OPCML: variants seen among roughly 807,000 people sequenced by gnomAD.
OPCML encodes opioid-binding protein/cell adhesion molecule.
Under a neutral mutation model 37.8 loss-of-function variants are expected in OPCML, and 13 were observed. The observed-to-expected ratio is 0.34, with a 90% CI of 0.22 to 0.55. The LOEUF (loss-of-function observed/expected upper bound fraction) is 0.55, where lower values mean the gene tolerates loss of function less well. Ranked by LOEUF, OPCML falls within the 20% of genes least tolerant of loss-of-function variation. The pLI is 0.91. For missense variants in OPCML, 341 were observed against 435.6 expected (o/e 0.78, Z 1.93); for synonymous variants, 176 against 168.8 (o/e 1.04, Z -0.33).
chr11:132,458,277 C>T (rs2096089236), intron 4 of OPCML, among the ~76,000 whole-genome samples: 1 of 152,176 alleles, frequency 6.6e-6, no homozygotes, highest in Non-Finnish European at 1.5e-5. Context: ...AACTAACATG[C>T]ATAGAAGATA....
chr11:132,568,041 TGCGC>T (rs146409077), intron 3 of OPCML, among the ~76,000 whole-genome samples: 4 of 150,396 alleles, frequency 2.7e-5, no homozygotes, highest in African/African-American at 4.9e-5. Context: ...TGTGTGTGTG[TGCGC>T]GCGCGCGCGT....
intron 1 of OPCML, among the ~76,000 whole-genome samples, chr11:133,240,523 T>G (rs143199773): frequency 6.6e-6 from 1 of 152,190 alleles, no homozygotes; most frequent in Non-Finnish European, 1.5e-5. Context: ...ATCCCCATCA[T>G]GGACCACAAC....
rs146650784 is a variant in OPCML at position 132,670,366 on chromosome 11, G to A, written c.147-13047C>T. On this transcript the variant is annotated intron_variant, in intron 2 of 7. Transcript: ENST00000524381. ...AAATACCTGCCTACATATAATGTACGGGATCACAGAATCCCACAGACGGGC... is the reference window on the plus strand; with the variant it reads ...AAATACCTGCCTACATATAATGTACAGGATCACAGAATCCCACAGACGGGC... Among the ~76,000 whole-genome samples, 408 of 152,152 alleles carry A rather than the reference G, an allele frequency of 2.7e-3. 2 individuals carry two copies. Among genetic ancestry groups the A allele is most frequent in the African/African-American group, 9.3e-3 (385 of 41,506 alleles).
intron 3 of OPCML, 40 bp from the exon 4 acceptor site, chr11:132,529,226 T>G (rs770107610): frequency 6.4e-7 from 1 of 1,560,210 alleles, no homozygotes; most frequent in Admixed American, 1.8e-5. Flanking sequence ...TGAGAATAAT[T>G]CTTTGCACTT....
chr11:132,966,504 C>T (rs1381895290), intron 1 of OPCML, among the ~76,000 whole-genome samples: 2 of 152,074 alleles, frequency 1.3e-5, no homozygotes, highest in African/African-American at 4.8e-5. Context: ...TCCATATGTA[C>T]TTGAAAATAA....
At chr11:133,228,513 C>T (rs1940137367) in intron 1 of OPCML, among the ~76,000 whole-genome samples, 1 of 152,222 alleles carries the variant, frequency 6.6e-6, no homozygotes, top group South Asian at 2.1e-4. Flanking sequence ...AGCACCTTCG[C>T]GGGCCAGCCA....
chr11:132,714,119 C>T (rs929807830), intron 2 of OPCML, among the ~76,000 whole-genome samples: 6 of 152,046 alleles, frequency 3.9e-5, no homozygotes, highest in Admixed American at 1.3e-4. Flanking sequence ...ATAATGTAGA[C>T]CCTATAAAAA....
chr11:132,726,905 G>A (rs780122793), intron 2 of OPCML, among the ~76,000 whole-genome samples: 1 of 152,078 alleles, frequency 6.6e-6, no homozygotes, highest in African/African-American at 2.4e-5. Context: ...CCTTTTTCTA[G>A]TTGTTCAGTA....
chr11:132,874,295 A>T (rs74686045), intron 2 of OPCML, among the ~76,000 whole-genome samples: 6,151 of 152,234 alleles, frequency 0.04, 200 homozygotes, highest in South Asian at 0.17. Flanking sequence ...GGCTGTCAGG[A>T]TAGCATTGCT....
chr11:132,633,815 A>G (rs1351494380), intron 3 of OPCML, among the ~76,000 whole-genome samples: 1 of 152,098 alleles, frequency 6.6e-6, no homozygotes, highest in East Asian at 1.9e-4. Flanking sequence ...TGGGTAAAAG[A>G]GGCATCAATA....
chr11:133,171,047 A>G (rs551861461), intron 1 of OPCML, among the ~76,000 whole-genome samples: 3 of 152,148 alleles, frequency 2.0e-5, no homozygotes, highest in Admixed American at 6.5e-5. Context: ...GGCTGTGGAG[A>G]CCTCACCAGC....
chr11:133,054,999 T>C (rs1419225140), intron 1 of OPCML, among the ~76,000 whole-genome samples: 2 of 146,320 alleles, frequency 1.4e-5, no homozygotes, highest in Non-Finnish European at 3.0e-5. Context: ...GCTGCCTCCA[T>C]GATACTTCCA....
chr11:132,772,750 A>G (rs990999266), intron 2 of OPCML: 2 of 152,370 alleles, frequency 1.3e-5, no homozygotes, highest in South Asian at 4.1e-4. Context: ...CACAGCTTAA[A>G]TAAAAATGTT....
chr11:133,198,809 T>C (rs1040174226), intron 1 of OPCML, among the ~76,000 whole-genome samples: 1 of 152,208 alleles, frequency 6.6e-6, no homozygotes, highest in African/African-American at 2.4e-5. Context: ...GCTGCTTGAA[T>C]GCATGCTGTG....
At chr11:132,549,321 G>A (rs549353152) in intron 3 of OPCML, among the ~76,000 whole-genome samples, 1 of 152,248 alleles carries the variant, frequency 6.6e-6, no homozygotes, top group East Asian at 1.9e-4. Flanking sequence ...GTCTAAAAGG[G>A]GGAGGAACCC....
At chr11:133,235,455 AGAG>A (rs1312541003) in intron 1 of OPCML, among the ~76,000 whole-genome samples, 1 of 152,222 alleles carries the variant, frequency 6.6e-6, no homozygotes, top group African/African-American at 2.4e-5. Flanking sequence ...GAAAGGGAAA[AGAG>A]GAGAAGGGAA....
chr11:132,577,857 T>G lies in OPCML; in HGVS notation c.380-48671A>C, dbSNP rs1047493098. Among the ~76,000 whole-genome samples the G allele has an allele frequency of 2.0e-5, 3 of 152,284 alleles. No homozygotes were observed. The East Asian group carries it at 5.8e-4, about 29-fold the overall frequency. On this transcript the variant is annotated intron_variant, in intron 3 of 7. Coordinates refer to ENST00000524381, the MANE Select transcript of OPCML (RefSeq NM_001012393.5). ...CTCTAAAATTCTGGAGTTTAAGTCT[T>G]AACTATTTGATACCAATCTTAGTGT... is the stretch of plus-strand genomic sequence containing the variant.
intron 4 of OPCML, among the ~76,000 whole-genome samples, chr11:132,521,172 G>A (rs1028659705): frequency 1.3e-5 from 2 of 152,154 alleles, no homozygotes; most frequent in Middle Eastern, 3.4e-3. Context: ...CCACATAAAT[G>A]TCTTCTTTTC....
intron 1 of OPCML, among the ~76,000 whole-genome samples, chr11:133,461,306 A>G (rs1280588757): frequency 6.6e-6 from 1 of 151,940 alleles, no homozygotes; most frequent in Non-Finnish European, 1.5e-5. Context: ...CGATGACACC[A>G]TCTTATAGGT....
Sources: gnomAD v4.1 joint callset for allele counts (sites outside exome capture counted in the v4.1 genomes callset) on GRCh38, gnomAD v4.1.1 for gene constraint, MANE v1.5 for transcripts, NCBI Gene and HGNC (gene_info 2026-07-23, HGNC 2026-07-21) for gene names.